The following MEF2A variants were observed in gnomAD, a reference collection of about 807,000 sequenced individuals.
MEF2A encodes myocyte-specific enhancer factor 2A.
A neutral mutation model predicts 55.8 loss-of-function variants in MEF2A; 28 were observed. The observed-to-expected ratio is 0.50, with a 90% CI of 0.37 to 0.69. The LOEUF is 0.69. Ranked by LOEUF, MEF2A falls within the 30% of genes least tolerant of loss-of-function variation. The pLI is 0.00. For synonymous variants in MEF2A, 239 were observed against 227.1 expected (o/e 1.05, Z -0.47); for missense variants, 528 against 626.2 (o/e 0.84, Z 1.67).
At chr15:99,647,704 T>C (rs1157213390) in intron 4 of MEF2A, among the ~76,000 whole-genome samples, 2 of 152,180 alleles carry the variant, frequency 1.3e-5, no homozygotes, top group Non-Finnish European at 2.9e-5. Flanking sequence ...CAATTACATA[T>C]TGGGATTTTG....
At chr15:99,675,803 C>T (rs1363710066) in intron 7 of MEF2A, among the ~76,000 whole-genome samples, 2 of 152,012 alleles carry the variant, frequency 1.3e-5, no homozygotes, top group African/African-American at 4.8e-5. Context: ...TTTGGGAGGA[C>T]GAGGTGGGCA....
chr15:99,582,924 A>G (rs1232195710), intron 1 of MEF2A, among the ~76,000 whole-genome samples: 1 of 152,142 alleles, frequency 6.6e-6, no homozygotes, highest in Non-Finnish European at 1.5e-5. Flanking sequence ...TTCTTAGGGC[A>G]GTAGCTATAA....
intron 7 of MEF2A, among the ~76,000 whole-genome samples, chr15:99,684,175 A>G (rs1158703183): frequency 1.3e-5 from 2 of 152,166 alleles, no homozygotes; most frequent in African/African-American, 2.4e-5. Context: ...ATGTGCTGCT[A>G]TAAACATGTG....
At chr15:99,587,461 G>A (rs142768881) in intron 1 of MEF2A, among the ~76,000 whole-genome samples, 1,555 of 151,556 alleles carry the variant, frequency 0.01, 22 homozygotes, top group African/African-American at 0.036. Flanking sequence ...TAGTTTTTTT[G>A]TCAATCTTTA....
intron 2 of MEF2A, among the ~76,000 whole-genome samples, chr15:99,625,138 A>G (rs2041861256): frequency 1.3e-5 from 2 of 152,136 alleles, no homozygotes; most frequent in Admixed American, 1.3e-4. Flanking sequence ...GACTTAGGAT[A>G]TTTTCAATTT....
intron 6 of MEF2A, 101 bp from the exon 7 acceptor site, chr15:99,675,298 T>G (rs774288334): frequency 3.2e-5 from 33 of 1,027,114 alleles, no homozygotes; most frequent in Non-Finnish European, 5.1e-5. Context: ...TTTTTAGGAT[T>G]AGAGTGAGAG....
chr15:99,654,081 G>T (rs1023650372), intron 4 of MEF2A, among the ~76,000 whole-genome samples: 1 of 151,902 alleles, frequency 6.6e-6, no homozygotes, highest in African/African-American at 2.4e-5. Flanking sequence ...TTTTATTGTG[G>T]TTTTCCACAT....
At chr15:99,617,595 G>A (rs1269518879) in intron 2 of MEF2A, among the ~76,000 whole-genome samples, 1 of 152,130 alleles carries the variant, frequency 6.6e-6, no homozygotes, top group Non-Finnish European at 1.5e-5. Flanking sequence ...AGTAACAGAG[G>A]CTAATCAAAA....
intron 2 of MEF2A, among the ~76,000 whole-genome samples, chr15:99,631,551 T>C (rs2042943835): frequency 6.6e-6 from 1 of 152,198 alleles, no homozygotes; most frequent in Non-Finnish European, 1.5e-5. Context: ...AAATGAACTT[T>C]CTAGTTTGGA....
chr15:99,577,245 G>C (rs1306482160), intron 1 of MEF2A, among the ~76,000 whole-genome samples: 1 of 152,194 alleles, frequency 6.6e-6, no homozygotes, highest in Non-Finnish European at 1.5e-5. Flanking sequence ...AGGAGTTATT[G>C]AGTTCAAATT....
At chr15:99,634,872 A>G (rs1892067253) in intron 3 of MEF2A, among the ~76,000 whole-genome samples, 1 of 152,262 alleles carries the variant, frequency 6.6e-6, no homozygotes, top group South Asian at 2.1e-4. Flanking sequence ...AGATTGGAGA[A>G]AAGACATAAA....
intron 9 of MEF2A, among the ~76,000 whole-genome samples, chr15:99,704,967 C>G (rs2057851578): frequency 1.3e-5 from 2 of 152,064 alleles, no homozygotes; most frequent in South Asian, 4.2e-4. Flanking sequence ...AAATACATAC[C>G]TAAAAACTTA....
chr15:99,648,062 C>T (rs1395464164), intron 4 of MEF2A, among the ~76,000 whole-genome samples: 1 of 152,138 alleles, frequency 6.6e-6, no homozygotes, highest in South Asian at 2.1e-4. Flanking sequence ...ATACAGTTTG[C>T]TATGGTTCAA....
rs368497736 is a variant in MEF2A at position 99,598,813 on chromosome 15, TTAAG to T, written c.-143+305_-143+308del. 7.8e-4 allele frequency among the ~76,000 whole-genome samples: 118 copies of T among 152,156 alleles called. 3 individuals carry two copies. In the South Asian group the frequency reaches 0.023, roughly 29 times the overall value. ...CTATTTGAAGAAAGAAGAAAAAAAA[TTAAG>T]TAGGTAGTTGGTAGTTACTGAGACA... On this transcript the variant is annotated intron_variant, in intron 2 of 11. Coordinates refer to ENST00000557942, the MANE Select transcript of MEF2A (RefSeq NM_001319206.4).
At chr15:99,656,599 G>T (rs1293270676) in intron 4 of MEF2A, among the ~76,000 whole-genome samples, 2 of 152,122 alleles carry the variant, frequency 1.3e-5, no homozygotes, top group African/African-American at 4.8e-5. Flanking sequence ...ATAACTTCAT[G>T]ATTGGAGTAT....
At position 99,709,927 on chromosome 15, in the gene MEF2A, G is replaced by A. The variant is rs145008653; in HGVS notation, c.1010-707G>A. Among the ~76,000 whole-genome samples, 487 of 152,274 alleles carry A rather than the reference G, an allele frequency of 3.2e-3. 4 individuals are homozygous for A. Among genetic ancestry groups the A allele is most frequent in the African/African-American group, 0.011 (454 of 41,556 alleles). On this transcript the variant is annotated intron_variant, in intron 10 of 11. Transcript: ENST00000557942. ...ATTGTGTAATGATGTCACTGAGCTT[G>A]GCACCCCATGTAGGGATTCTGTCTT...
intron 11 of MEF2A, 106 bp downstream of exon 11, chr15:99,710,866 G>C (rs2058567898): frequency 1.2e-5 from 15 of 1,279,988 alleles, no homozygotes; most frequent in Non-Finnish European, 1.5e-5. Context: ...GAGGAATCCT[G>C]TAATGATTCC....
intron 4 of MEF2A, 136 bp downstream of exon 4, chr15:99,645,900 A>C: frequency 1.6e-6 from 1 of 617,926 alleles, no homozygotes. Context: ...ATCATTTCTT[A>C]GAAGAGTGAT....
intron 8 of MEF2A, among the ~76,000 whole-genome samples, chr15:99,700,936 C>T (rs537646204): frequency 6.6e-6 from 1 of 152,062 alleles, no homozygotes; most frequent in Non-Finnish European, 1.5e-5. Context: ...AGGGACAACT[C>T]TTCCTTAGAA....
Sources: gnomAD v4.1 joint callset for allele counts (sites outside exome capture counted in the v4.1 genomes callset) on GRCh38, gnomAD v4.1.1 for gene constraint, MANE v1.5 for transcripts, NCBI Gene and HGNC (gene_info 2026-07-23, HGNC 2026-07-21) for gene names.